PTP4A2: variants seen among roughly 807,000 people sequenced by gnomAD.
PTP4A2 encodes the protein protein tyrosine phosphatase type IVA 2.
Under a neutral mutation model 22.9 loss-of-function variants are expected in PTP4A2, and 2 were observed. The ratio of observed to expected loss-of-function variants is 0.09; its 90% confidence interval spans 0.04 to 0.27. The LOEUF is 0.27. Ranked by LOEUF, PTP4A2 falls within the 10% of genes least tolerant of loss-of-function variation. PTP4A2 has a pLI of 1.00. For missense variants in PTP4A2, 103 were observed against 205.1 expected (o/e 0.50, Z 3.04); for synonymous variants, 68 against 69.1 (o/e 0.98, Z 0.08).
intron 4 of PTP4A2, 178 bp from the exon 5 acceptor site, chr1:31,910,290 T>G: frequency 1.9e-6 from 1 of 530,274 alleles, no homozygotes; most frequent in South Asian, 2.4e-5. Context: ...CTATGATTTT[T>G]TTTTTTGGCG....
At chr1:31,914,435 C>CTA (rs1350196809) in intron 3 of PTP4A2, 1 of 364,108 alleles carries the variant, frequency 2.7e-6, no homozygotes, top group Admixed American at 3.4e-5. Context: ...CATGAGGAAA[C>CTA]TATGGATCAG....
In PTP4A2 at chr1:31,907,697, C is replaced by G. The variant is rs1570269471; in HGVS notation, c.*1155G>C. On this transcript the variant is annotated 3_prime_UTR_variant, in exon 6 of 6. Coordinates refer to ENST00000647444, the MANE Select transcript of PTP4A2 (RefSeq NM_080391.4). ...CTCAAGTCGAAAATATGTGAATTTG[C>G]TGCTGCTCCTTTGACGGTTCCTGAA... 1 of 152,186 alleles carries G rather than the reference C, an allele frequency of 6.6e-6. No individual in the cohort carries two copies. Among genetic ancestry groups the G allele is most frequent in the East Asian group, 1.9e-4 (1 of 5,178 alleles). 9.4% of individuals were successfully genotyped at this position (152,186 alleles called of 1,614,324 possible).
chr1:31,930,145 T>C (rs896594088), intron 1 of PTP4A2, among the ~76,000 whole-genome samples: 8 of 152,082 alleles, frequency 5.3e-5, no homozygotes, highest in Non-Finnish European at 1.2e-4. Context: ...GAGACCATCC[T>C]GGCTAACACG....
rs1219920283 is a variant in PTP4A2, at chr1:31,906,584, A to C, written c.*2268T>G. The C allele has an allele frequency of 2.6e-5, 4 of 152,164 alleles. No homozygotes were observed. The highest frequency in any genetic ancestry group is 2.6e-4 in the Admixed American group (4 of 15,266). The allele number at this position is 152,164 out of a possible 1,614,324, so 9.4% of individuals were successfully genotyped here. A position where few individuals can be genotyped will look rare whatever the true frequency, so the allele number is the denominator to read the frequency against. On this transcript the variant is annotated 3_prime_UTR_variant, in exon 6 of 6. Coordinates refer to ENST00000647444, the MANE Select transcript of PTP4A2 (RefSeq NM_080391.4). ...AGAAAAAAATTGCTTTAAGGAAAAA[A>C]AATCCAGTTTTAAGAACAATTAACA... is the stretch of plus-strand genomic sequence containing the variant.
rs1651226080 is a variant in PTP4A2, at chr1:31,907,321, G to A, written c.*1531C>T. ...GAAAATAGTGCAAGAGCCCCTGATG[G>A]TGCCCCTCTACCTGCTTTGTCCATG... On this transcript the variant is annotated 3_prime_UTR_variant, in exon 6 of 6. Transcript: ENST00000647444. 1 of 152,168 alleles carries A rather than the reference G, an allele frequency of 6.6e-6. No homozygotes were observed. Among genetic ancestry groups the A allele is most frequent in the Admixed American group, 6.6e-5 (1 of 15,256 alleles). 9.4% of individuals were successfully genotyped at this position (152,168 alleles called of 1,614,324 possible). A position where few individuals can be genotyped will look rare whatever the true frequency, so the allele number is the denominator to read the frequency against.
intron 1 of PTP4A2, among the ~76,000 whole-genome samples, chr1:31,924,889 G>A (rs1652374532): frequency 6.6e-6 from 1 of 151,934 alleles, no homozygotes; most frequent in Admixed American, 6.6e-5. Flanking sequence ...AGAAAGGAGG[G>A]AGATAAGGGA....
chr1:31,923,939 G>A (rs904441389), intron 1 of PTP4A2: 3 of 152,208 alleles, frequency 2.0e-5, no homozygotes, highest in Non-Finnish European at 4.4e-5. Flanking sequence ...GTGGGAGACT[G>A]GGTGGAGTTT....
intron 5 of PTP4A2, 131 bp from the exon 6 acceptor site, chr1:31,909,091 A>G: frequency 1.5e-6 from 1 of 680,600 alleles, no homozygotes; most frequent in East Asian, 2.7e-5. Context: ...CCATACTACA[A>G]CAATTCTTAA....
At chr1:31,921,928 A>T (rs951718949) in intron 1 of PTP4A2, 7 of 152,224 alleles carry the variant, frequency 4.6e-5, no homozygotes, top group African/African-American at 1.7e-4. Context: ...TAAAAGACAC[A>T]AATGAAATTC....
intron 1 of PTP4A2, chr1:31,933,550 C>T (rs1039347406): frequency 6.6e-6 from 1 of 152,154 alleles, no homozygotes; most frequent in African/African-American, 2.4e-5. Context: ...GCCTGGGCAA[C>T]ATAGCGAAAC....
At chr1:31,914,167 G>A in intron 3 of PTP4A2, 1 of 417,770 alleles carries the variant, frequency 2.4e-6, no homozygotes, top group Non-Finnish European at 4.8e-6. Flanking sequence ...CTCGGGTTCA[G>A]GTGATCCTCC....
In PTP4A2 at chr1:31,919,095, G is replaced by T. The variant is rs767614232; in HGVS notation, c.-30C>A. 6 of 1,142,650 alleles carry T rather than the reference G, an allele frequency of 5.3e-6. No individual in the cohort carries two copies. The African/African-American group carries it at 6.2e-5, about 12-fold the overall frequency. The allele number at this position is 1,142,650 out of a possible 1,614,324, so 70.8% of individuals were successfully genotyped here. A position where few individuals can be genotyped will look rare whatever the true frequency, so the allele number is the denominator to read the frequency against. ...GCAAATAAAAAGTGTGAGCGTGCGTGTGAGTGTGATGGGGAAAGTGAAAAA... is the reference window on the plus strand; with the variant it reads ...GCAAATAAAAAGTGTGAGCGTGCGTTTGAGTGTGATGGGGAAAGTGAAAAA... On this transcript the variant is annotated 5_prime_UTR_variant, in exon 2 of 6. Coordinates refer to ENST00000647444, the MANE Select transcript of PTP4A2 (RefSeq NM_080391.4).
At chr1:31,913,594 T>G (rs1426858148) in intron 3 of PTP4A2, among the ~76,000 whole-genome samples, 1 of 152,218 alleles carries the variant, frequency 6.6e-6, no homozygotes, top group Non-Finnish European at 1.5e-5. Flanking sequence ...TTTTAATTTT[T>G]TGATTACGGC....
chr1:31,911,894 C>A, intron 3 of PTP4A2, 68 bp from the exon 4 acceptor site: 2 of 1,271,730 alleles, frequency 1.6e-6, no homozygotes, highest in Non-Finnish European at 2.2e-6. Context: ...ATACAGAATA[C>A]CTGCACACAG....
At chr1:31,934,753 C>G (rs1039424771) in intron 1 of PTP4A2, among the ~76,000 whole-genome samples, 5 of 152,132 alleles carry the variant, frequency 3.3e-5, no homozygotes. Flanking sequence ...AAGCTATACA[C>G]AAAAGTATTC....
intron 3 of PTP4A2, chr1:31,912,840 T>C (rs1228346713): frequency 1.0e-4 from 26 of 249,090 alleles, no homozygotes; most frequent in Non-Finnish European, 1.9e-4. Flanking sequence ...CATTCATTAT[T>C]GGCACCACTA....
In PTP4A2 at chr1:31,908,157, T is replaced by TACATATATAC. The variant is rs1651313573; in HGVS notation, c.*694_*695insGTATATATGT. ...ATATTATATTATATATATATATATA[T>TACATATATAC]ATATATATATATATATATATATATA... On this transcript the variant is annotated 3_prime_UTR_variant, in exon 6 of 6. Coordinates refer to ENST00000647444, the MANE Select transcript of PTP4A2 (RefSeq NM_080391.4). 3.2e-4 allele frequency: 1 copy of TACATATATAC among 3,118 alleles called. No individual in the cohort carries two copies. Among genetic ancestry groups the TACATATATAC allele is most frequent in the African/African-American group, 1.4e-3 (1 of 738 alleles). 0.2% of individuals were successfully genotyped at this position (3,118 alleles called of 1,614,324 possible). A position where few individuals can be genotyped will look rare whatever the true frequency, so the allele number is the denominator to read the frequency against.
intron 1 of PTP4A2, among the ~76,000 whole-genome samples, chr1:31,934,526 G>C (rs1189462264): frequency 6.6e-6 from 1 of 151,954 alleles, no homozygotes; most frequent in Non-Finnish European, 1.5e-5. Context: ...ACAACAAAAA[G>C]GAAAAAGTAT....
At chr1:31,909,084 T>C in intron 5 of PTP4A2, 124 bp from the exon 6 acceptor site, 2 of 700,820 alleles carry the variant, frequency 2.9e-6, no homozygotes, top group Non-Finnish European at 4.9e-6. Flanking sequence ...ATATTTCCCA[T>C]ACTACAACAA....
Sources: allele counts gnomAD v4.1 joint callset (sites outside exome capture counted in the v4.1 genomes callset), GRCh38; gene constraint gnomAD v4.1.1; transcripts MANE v1.5; gene names NCBI Gene and HGNC (gene_info 2026-07-23, HGNC 2026-07-21).